The following EYA2 variants were observed in gnomAD, a reference collection of about 807,000 sequenced individuals.
EYA2 encodes protein phosphatase EYA2.
A neutral mutation model predicts 69.2 loss-of-function variants in EYA2; 31 were observed. That is an observed-to-expected ratio of 0.45 (90% CI 0.34 to 0.60). EYA2 has a LOEUF of 0.60. Ranked by LOEUF, EYA2 falls within the 20% of genes least tolerant of loss-of-function variation. The pLI, the probability that EYA2 is intolerant of heterozygous loss-of-function variation, is 0.02. For synonymous variants in EYA2, 257 were observed against 279.4 expected, an observed-to-expected ratio of 0.92 and a Z score of 0.80; for missense variants, 622 against 701.2, an observed-to-expected ratio of 0.89 and a Z score of 1.28.
intron 10 of EYA2, among the ~76,000 whole-genome samples, chr20:47,144,364 A>G (rs13040575): frequency 0.01 from 1,552 of 152,220 alleles, 12 homozygotes; most frequent in Non-Finnish European, 0.016. Flanking sequence ...AAAAAAAAAA[A>G]AAAGAAAGAA....
chr20:46,975,522 A>G (rs1045631764), intron 1 of EYA2, among the ~76,000 whole-genome samples: 7 of 152,148 alleles, frequency 4.6e-5, no homozygotes, highest in Non-Finnish European at 7.4e-5. Context: ...TAAAATACAT[A>G]AAATCAAATA....
intron 1 of EYA2, among the ~76,000 whole-genome samples, chr20:46,898,394 AACACACACACACACAC>A (rs3085766): frequency 6.8e-6 from 1 of 146,468 alleles, no homozygotes; most frequent in Non-Finnish European, 1.5e-5. Flanking sequence ...GTTGACAGAA[AACACACACACACACAC>A]ACACACACAC....
At chr20:47,022,180 G>A (rs992956980) in intron 5 of EYA2, among the ~76,000 whole-genome samples, 6 of 152,168 alleles carry the variant, frequency 3.9e-5, no homozygotes, top group African/African-American at 1.2e-4. Flanking sequence ...GGGCCCCTCC[G>A]TCCAAACTCG....
At chr20:46,997,920 G>A (rs967283941) in intron 2 of EYA2, 1 of 152,268 alleles carries the variant, frequency 6.6e-6, no homozygotes, top group African/African-American at 2.4e-5. Context: ...CCCTTGTGCT[G>A]ATGGTCTGTG....
At chr20:47,112,975 G>A (rs1195489219) in intron 9 of EYA2, among the ~76,000 whole-genome samples, 6 of 144,588 alleles carry the variant, frequency 4.1e-5, no homozygotes, top group Admixed American at 7.4e-5. Flanking sequence ...AGGTTCAAGC[G>A]ATCCTCCTGC....
intron 1 of EYA2, among the ~76,000 whole-genome samples, chr20:46,939,384 C>T (rs79453007): frequency 0.012 from 1,836 of 152,044 alleles, 16 homozygotes; most frequent in Non-Finnish European, 0.018. Context: ...GAAAGCAAAC[C>T]TGAGTGATAG....
At chr20:47,086,996 G>T (rs1568769560) in intron 7 of EYA2, among the ~76,000 whole-genome samples, 1 of 151,986 alleles carries the variant, frequency 6.6e-6, no homozygotes, top group Admixed American at 6.6e-5. Context: ...TATTTACATT[G>T]CTCTTCAGCA....
intron 1 of EYA2, among the ~76,000 whole-genome samples, chr20:46,923,991 A>G (rs959010767): frequency 1.3e-5 from 2 of 152,288 alleles, no homozygotes; most frequent in African/African-American, 4.8e-5. Flanking sequence ...AACACTTGCT[A>G]ATTCTCTTTG....
At chr20:46,978,792 G>A (rs967722461) in intron 1 of EYA2, among the ~76,000 whole-genome samples, 1 of 152,202 alleles carries the variant, frequency 6.6e-6, no homozygotes, top group Non-Finnish European at 1.5e-5. Flanking sequence ...GGCCATGGAG[G>A]TGAACTTTAT....
In EYA2 at chr20:46,918,178, G is replaced by A. The variant is rs113235914; in HGVS notation, c.-11+23191G>A. On this transcript the variant is annotated intron_variant, in intron 1 of 15. Coordinates refer to ENST00000327619, the MANE Select transcript of EYA2 (RefSeq NM_005244.5). ...TACTAAAAAATACAAAAAATTAGCC[G>A]GGCGTGGTGGCAGGTGCCTGTAGTC... Among the ~76,000 whole-genome samples the A allele has an allele frequency of 7.3e-3, 1,116 of 151,888 alleles. 19 individuals carry two copies. Among genetic ancestry groups the A allele is most frequent in the African/African-American group, 0.025 (1,055 of 41,486 alleles).
chr20:47,061,177 T>C (rs1363403169), intron 5 of EYA2, among the ~76,000 whole-genome samples: 1 of 152,120 alleles, frequency 6.6e-6, no homozygotes, highest in Non-Finnish European at 1.5e-5. Flanking sequence ...TTACTCTCCT[T>C]CTTCCCTTGT....
At chr20:47,167,401 G>T (rs563684016) in intron 10 of EYA2, among the ~76,000 whole-genome samples, 15 of 148,610 alleles carry the variant, frequency 1.0e-4, no homozygotes, top group African/African-American at 3.7e-4. Flanking sequence ...TCGTGCCTCA[G>T]CCTCCCAAGT....
At chr20:47,176,796 CT>C (rs11470269) in intron 12 of EYA2, among the ~76,000 whole-genome samples, 19,699 of 146,740 alleles carry the variant, frequency 0.13, 3,851 homozygotes, top group African/African-American at 0.44. Context: ...ATCCTTCTTT[CT>C]TTTTTTTTTT....
At position 47,001,454 on chromosome 20, in the gene EYA2, G is replaced by T; in HGVS notation, c.136G>T (p.Val46Leu). ...QGITKSAPLRVSQLFSRSCPR... is the reference protein window; with the variant it reads ...QGITKSAPLRLSQLFSRSCPR... ...CATCACCAAATCGGCCCCCCTGAGA[G>T]TGTCCCAGCTCTTCTCCAGGTGAGT... Residue 46 changes from valine to leucine, a missense_variant, in exon 3 of 16, where the codon GTG becomes TTG. Val to Leu is a conservative substitution (Grantham distance 32, BLOSUM62 1). This residue lies in a region of EYA2 where 365 missense variants were observed against 349.7 expected (regional missense o/e 1.04). Transcript: ENST00000327619. 6.2e-7 allele frequency: 1 copy of T among 1,614,110 alleles called. No individual in the cohort carries two copies. Among genetic ancestry groups the T allele is most frequent in the East Asian group, 2.2e-5 (1 of 44,874 alleles).
At chr20:47,117,992 G>A (rs2032949740) in intron 9 of EYA2, among the ~76,000 whole-genome samples, 2 of 152,204 alleles carry the variant, frequency 1.3e-5, no homozygotes, top group Non-Finnish European at 2.9e-5. Flanking sequence ...CGAGCACCTT[G>A]GAAGTTTAAA....
At chr20:46,920,470 C>G (rs1011145550) in intron 1 of EYA2, among the ~76,000 whole-genome samples, 11 of 152,164 alleles carry the variant, frequency 7.2e-5, no homozygotes, top group African/African-American at 1.9e-4. Flanking sequence ...AAATGTTTCA[C>G]TGGACAAATC....
chr20:46,924,225 G>A (rs766245050), intron 1 of EYA2, among the ~76,000 whole-genome samples: 19 of 152,146 alleles, frequency 1.2e-4, no homozygotes, highest in South Asian at 4.1e-4. Flanking sequence ...GACAGTGCAC[G>A]GTATGGGTGG....
intron 9 of EYA2, among the ~76,000 whole-genome samples, chr20:47,115,421 A>G (rs572537933): frequency 6.6e-6 from 1 of 150,850 alleles, no homozygotes; most frequent in South Asian, 2.1e-4. Flanking sequence ...CTTCTTTTTT[A>G]CTCCTGTTAT....
At chr20:46,958,029 C>A (rs1166462208) in intron 1 of EYA2, among the ~76,000 whole-genome samples, 2 of 152,292 alleles carry the variant, frequency 1.3e-5, no homozygotes, top group East Asian at 3.9e-4. Flanking sequence ...TCTTCCCAAT[C>A]CCTCCCCTGC....
Sources: allele counts gnomAD v4.1 joint callset (sites outside exome capture counted in the v4.1 genomes callset), GRCh38; gene constraint gnomAD v4.1.1; regional missense constraint gnomAD v4.1.1; transcripts MANE v1.5; gene names NCBI Gene and HGNC (gene_info 2026-07-23, HGNC 2026-07-21).